STIM1: variants seen among roughly 807,000 people sequenced by gnomAD.
The protein encoded by STIM1 is stromal interaction molecule 1.
STIM1 carries 25 observed loss-of-function variants against 74.7 expected under a neutral mutation model. The observed-to-expected ratio is 0.33, with a 90% CI of 0.24 to 0.47. The LOEUF (loss-of-function observed/expected upper bound fraction) is 0.47, where lower values mean the gene tolerates loss of function less well. Ranked by LOEUF, STIM1 falls within the 20% of genes least tolerant of loss-of-function variation. The probability of loss-of-function intolerance (pLI) is 1.00; values close to 1 mark genes in which losing one functional copy is unlikely to be tolerated. For missense variants in STIM1, 728 were observed against 920.8 expected (o/e 0.79, Z 2.71); for synonymous variants, 328 against 348.8 (o/e 0.94, Z 0.66).
intron 1 of STIM1, among the ~76,000 whole-genome samples, chr11:3,910,473 A>C (rs1014971666): frequency 6.6e-6 from 1 of 152,180 alleles, no homozygotes; most frequent in South Asian, 2.1e-4. Context: ...ACCTGCTTGC[A>C]GTCCCAGCTA....
intron 1 of STIM1, among the ~76,000 whole-genome samples, chr11:3,920,359 G>T (rs886974446): frequency 6.6e-6 from 1 of 152,070 alleles, no homozygotes; most frequent in African/African-American, 2.4e-5. Context: ...CCATTAAGCA[G>T]TCACACTCCC....
intron 1 of STIM1, among the ~76,000 whole-genome samples, chr11:3,913,954 T>A (rs771911742): frequency 3.9e-5 from 6 of 152,208 alleles, no homozygotes; most frequent in Non-Finnish European, 7.3e-5. Flanking sequence ...CTTTTTTTAT[T>A]ATTTTTTTTG....
chr11:4,091,913 TC>T lies in STIM1; in HGVS notation c.*117del. On this transcript the variant is annotated 3_prime_UTR_variant, in exon 13 of 13. Transcript: ENST00000526596. ...AAGAGTGGGGCATGGGAAGGGCTGG[TC>T]CAGGGGTCTGGGCACTGTACATACC... 1 of 1,430,904 alleles carries T rather than the reference TC, an allele frequency of 7.0e-7. No homozygotes were observed. Among genetic ancestry groups the T allele is most frequent in the Non-Finnish European group, 9.6e-7 (1 of 1,046,374 alleles). 88.6% of individuals were successfully genotyped at this position (1,430,904 alleles called of 1,614,324 possible). A position where few individuals can be genotyped will look rare whatever the true frequency, so the allele number is the denominator to read the frequency against.
At chr11:4,081,054 C>T (rs1367486594) in intron 7 of STIM1, among the ~76,000 whole-genome samples, 2 of 151,912 alleles carry the variant, frequency 1.3e-5, no homozygotes, top group African/African-American at 4.8e-5. Flanking sequence ...CTCATTGCCT[C>T]TTAAAGGAAT....
At chr11:3,923,812 G>C (rs967641402) in intron 1 of STIM1, among the ~76,000 whole-genome samples, 1 of 151,980 alleles carries the variant, frequency 6.6e-6, no homozygotes, top group Non-Finnish European at 1.5e-5. Context: ...TTGTTCTTCA[G>C]CAGTGCTTGG....
rs2094524645 is a variant in STIM1, at chr11:4,091,450, G to C, written c.1803G>C (p.Glu601Asp). 3.7e-6 allele frequency: 6 copies of C among 1,614,124 alleles called. No homozygotes were observed. Among genetic ancestry groups the C allele is most frequent in the Middle Eastern group, 1.6e-4 (1 of 6,084 alleles). The change falls in exon 13 of 13, where the codon GAG (glutamate) becomes GAC (aspartate). Residue 601 changes from glutamate to aspartate, a missense_variant. Around this residue, in one of 5 missense-constraint regions of STIM1, gnomAD observed 352 missense variants for 370.1 expected, o/e 0.95. Coordinates refer to ENST00000526596, the MANE Select transcript of STIM1 (RefSeq NM_001382567.1). ...GGGTCCACCCAGGGTCTCTGGTGGA[G>C]AAACTGCCTGACAGCCCTGCCCTGG... is the stretch of plus-strand genomic sequence containing the variant. ...IEGVHPGSLV[E>D]KLPDSPALAK...
chr11:3,901,823 C>T (rs1377465555), intron 1 of STIM1, among the ~76,000 whole-genome samples: 1 of 152,236 alleles, frequency 6.6e-6, no homozygotes, highest in Non-Finnish European at 1.5e-5. Context: ...TCCAGCAGTG[C>T]AGCCACAGCT....
intron 1 of STIM1, among the ~76,000 whole-genome samples, chr11:3,878,666 A>G (rs538717371): frequency 6.6e-6 from 1 of 152,326 alleles, no homozygotes; most frequent in African/African-American, 2.4e-5. Flanking sequence ...ATTCAAATGC[A>G]GAGTCATGAG....
chr11:3,895,913 CT>C (rs1227183613), intron 1 of STIM1, among the ~76,000 whole-genome samples: 3 of 124,038 alleles, frequency 2.4e-5, no homozygotes, highest in East Asian at 4.4e-4. Context: ...TTTCTTCTTT[CT>C]TTTTTTTTGA....
intron 2 of STIM1, among the ~76,000 whole-genome samples, chr11:3,979,528 C>A (rs1242445255): frequency 1.3e-5 from 2 of 152,200 alleles, no homozygotes; most frequent in African/African-American, 4.8e-5. Flanking sequence ...TCACTGTAGC[C>A]TTGAGCTCCT....
chr11:4,030,985 T>C (rs994560479), intron 3 of STIM1, among the ~76,000 whole-genome samples: 5 of 152,232 alleles, frequency 3.3e-5, no homozygotes, highest in African/African-American at 1.2e-4. Context: ...TATACAATTG[T>C]GAAACCATCA....
Position 3,944,620 on chromosome 11 carries a change from T to G in STIM1, c.140-22932T>G, listed in dbSNP as rs973716438. On this transcript the variant is annotated intron_variant, in intron 1 of 12. Coordinates refer to ENST00000526596, the MANE Select transcript of STIM1 (RefSeq NM_001382567.1). ...AGAGCACAATTTAAGTAAGAGACTT[T>G]CTTCTGTCACCAACTCACTGTGCCA... Among the ~76,000 whole-genome samples, 3 of 152,238 alleles carry G rather than the reference T, an allele frequency of 2.0e-5. No individual in the cohort carries two copies. The East Asian group carries it at 5.8e-4, about 29-fold the overall frequency.
In STIM1 at chr11:3,895,698, CT is replaced by C. The variant is rs1435214065; in HGVS notation, c.139+39292del. On this transcript the variant is annotated intron_variant, in intron 1 of 12. Transcript: ENST00000526596. ...TCCTTCCTTCCTTCTTTCTTTCTTTCTTTCTTTCTTTCTTTCTTTCTTTCTT... is the reference window on the plus strand; with the variant it reads ...TCCTTCCTTCCTTCTTTCTTTCTTTCTTCTTTCTTTCTTTCTTTCTTTCTT... Among the ~76,000 whole-genome samples, 122 of 28,550 alleles carry C rather than the reference CT, an allele frequency of 4.3e-3. 10 individuals are homozygous for C. The highest frequency in any genetic ancestry group is 4.8e-3 in the Non-Finnish European group (81 of 16,750). The allele number at this position is 28,550 out of a possible 152,430, so 18.7% of individuals were successfully genotyped here. A position where few individuals can be genotyped will look rare whatever the true frequency, so the allele number is the denominator to read the frequency against.
intron 1 of STIM1, among the ~76,000 whole-genome samples, chr11:3,883,023 T>G (rs2091575043): frequency 6.6e-6 from 1 of 152,228 alleles, no homozygotes; most frequent in Non-Finnish European, 1.5e-5. Flanking sequence ...TTGTTTGTTT[T>G]TTTGTTATTG....
At chr11:3,880,341 A>G (rs941059097) in intron 1 of STIM1, among the ~76,000 whole-genome samples, 11 of 152,202 alleles carry the variant, frequency 7.2e-5, no homozygotes, top group Non-Finnish European at 4.4e-5. Context: ...ATTTCCAAGC[A>G]TTAGTGATGA....
intron 1 of STIM1, among the ~76,000 whole-genome samples, chr11:3,889,804 G>C (rs892378420): frequency 1.3e-5 from 2 of 152,094 alleles, no homozygotes; most frequent in African/African-American, 4.8e-5. Flanking sequence ...AAAGTTGCAG[G>C]AGATGCAGTT....
intron 1 of STIM1, among the ~76,000 whole-genome samples, chr11:3,857,855 A>G (rs1401918510): frequency 1.3e-5 from 2 of 152,186 alleles, no homozygotes; most frequent in African/African-American, 2.4e-5. Flanking sequence ...CTGGTTTCCA[A>G]ATGAGGCCAG....
intron 10 of STIM1, among the ~76,000 whole-genome samples, chr11:4,084,109 G>A (rs75292553): frequency 2.7e-3 from 408 of 152,256 alleles, no homozygotes; most frequent in Non-Finnish European, 4.3e-3. Flanking sequence ...TTTCTCCCCT[G>A]CAAGTGATGA....
intron 2 of STIM1, among the ~76,000 whole-genome samples, chr11:3,972,486 C>T (rs1222876148): frequency 6.6e-6 from 1 of 151,994 alleles, no homozygotes; most frequent in East Asian, 1.9e-4. Flanking sequence ...CACATTTATT[C>T]AGCATCACGA....
Sources: gnomAD v4.1 joint callset for allele counts (sites outside exome capture counted in the v4.1 genomes callset) on GRCh38, gnomAD v4.1.1 for gene constraint, gnomAD v4.1.1 regional missense constraint, MANE v1.5 for transcripts, NCBI Gene and HGNC (gene_info 2026-07-23, HGNC 2026-07-21) for gene names.